Variants in PRTG observed in about 807,000 individuals in gnomAD.
PRTG encodes the protein immunoglobulin superfamily, DCC subclass, member 5.
A neutral mutation model predicts 122.5 loss-of-function variants in PRTG; 67 were observed. That is an observed-to-expected ratio of 0.55 (90% CI 0.45 to 0.67). The LOEUF is 0.67. PRTG is among the 30% of genes least tolerant of loss of function. The pLI is 0.00. For synonymous variants in PRTG, 554 were observed against 501.1 expected (o/e 1.11, Z -1.41); for missense variants, 1,435 against 1,415.4 (o/e 1.01, Z -0.22).
At chr15:55,627,308 T>C (rs2059200307) in intron 16 of PRTG, among the ~76,000 whole-genome samples, 180 bp from the exon 17 acceptor site, 1 of 151,526 alleles carries the variant, frequency 6.6e-6, no homozygotes, top group African/African-American at 2.4e-5. Context: ...AGAGACAGAT[T>C]TCTCTTCCAA....
At chr15:55,712,098 C>T (rs1427489147) in intron 2 of PRTG, among the ~76,000 whole-genome samples, 2 of 152,172 alleles carry the variant, frequency 1.3e-5, no homozygotes, top group Admixed American at 6.5e-5. Context: ...ATGAAGGCAT[C>T]CCCAGGCCTC....
intron 1 of PRTG, 76 bp downstream of exon 1, chr15:55,742,761 GT>G: frequency 6.6e-7 from 1 of 1,515,282 alleles, no homozygotes; most frequent in East Asian, 2.6e-5. Flanking sequence ...ACGCCCCATC[GT>G]TTCCTCTTTC....
At chr15:55,713,875 T>C (rs1397403504) in intron 2 of PRTG, among the ~76,000 whole-genome samples, 4 of 152,196 alleles carry the variant, frequency 2.6e-5, no homozygotes, top group Admixed American at 1.3e-4. Flanking sequence ...GTTTACACTG[T>C]CTTTCTGAAA....
intron 18 of PRTG, among the ~76,000 whole-genome samples, chr15:55,623,650 T>C (rs760295679): frequency 6.6e-6 from 1 of 152,236 alleles, no homozygotes; most frequent in Non-Finnish European, 1.5e-5. Context: ...GACTGTTTGC[T>C]GACAACTGAT....
chr15:55,719,818 G>A (rs1046644046), intron 2 of PRTG, among the ~76,000 whole-genome samples: 5 of 152,052 alleles, frequency 3.3e-5, no homozygotes, highest in Non-Finnish European at 5.9e-5. Context: ...CAGCACTTTC[G>A]GAGGTCGAGG....
chr15:55,628,113 T>TCTAACA, intron 16 of PRTG, among the ~76,000 whole-genome samples: 1 of 152,240 alleles, frequency 6.6e-6, no homozygotes, highest in African/African-American at 2.4e-5. Flanking sequence ...TCATTCTCTT[T>TCTAACA]CTAACACACA....
In PRTG at chr15:55,639,804, G is replaced by A; in HGVS notation, c.2162C>T (p.Pro721Leu). The change falls in exon 13 of 20, where the codon CCT becomes CTT. Residue 721 changes from proline to leucine, a missense_variant. By Grantham distance (98) the Pro-to-Leu change is moderately conservative. Transcript: ENST00000389286. ...CVSVRDRMVP[P>L]PPPPHHLYAK... ...ATAGAGATGGTGGGGTGGTGGTGGA[G>A]GAGGGACCATGCGATCACGAACAGC... 1 of 1,614,110 alleles carries A rather than the reference G, an allele frequency of 6.2e-7. No individual in the cohort carries two copies. Among genetic ancestry groups the A allele is most frequent in the Non-Finnish European group, 8.5e-7 (1 of 1,179,992 alleles).
intron 9 of PRTG, among the ~76,000 whole-genome samples, chr15:55,675,192 A>G (rs1055371785): frequency 6.6e-6 from 1 of 152,114 alleles, no homozygotes; most frequent in African/African-American, 2.4e-5. Flanking sequence ...CATACACTCA[A>G]TATGTAACAG....
At chr15:55,675,487 T>G in intron 9 of PRTG, 32 bp downstream of exon 9, 1 of 1,474,592 alleles carries the variant, frequency 6.8e-7, no homozygotes, top group Non-Finnish European at 9.3e-7. Flanking sequence ...CGAATGTTCA[T>G]ACTGAAATGA....
intron 11 of PRTG, among the ~76,000 whole-genome samples, chr15:55,662,650 G>C (rs756214339): frequency 1.3e-5 from 2 of 152,122 alleles, no homozygotes; most frequent in Non-Finnish European, 2.9e-5. Context: ...GAAAGTCTTT[G>C]AAGATTTTTT....
Position 55,673,491 on chromosome 15 carries a change from A to C in PRTG, c.1732T>G (p.Leu578Val). 1 of 1,614,170 alleles carries C rather than the reference A, an allele frequency of 6.2e-7. No individual in the cohort carries two copies. The highest frequency in any genetic ancestry group is 8.5e-7 in the Non-Finnish European group (1 of 1,180,032). The change falls in exon 10 of 20, where the codon TTG becomes GTG. Residue 578 changes from leucine (L) to valine (V), a missense_variant. Physicochemically the swap from Leu to Val is conservative, Grantham distance 32 (BLOSUM62 1). Coordinates refer to ENST00000389286, the MANE Select transcript of PRTG (RefSeq NM_173814.6). The part of the protein sequence containing the change: ...ELPGTTHEYL[L>V]EGLKPDSVYL... ...ACACTGTCAGGTTTCAGGCCTTCCA[A>C]AAGGTACTCATGCGTGGTCCCCGGG...
intron 15 of PRTG, among the ~76,000 whole-genome samples, chr15:55,631,759 T>C (rs1236889021): frequency 6.6e-6 from 1 of 152,188 alleles, no homozygotes; most frequent in African/African-American, 2.4e-5. Flanking sequence ...TTGGGGCACG[T>C]TACTGAACTG....
intron 2 of PRTG, chr15:55,738,719 A>G: frequency 3.1e-6 from 1 of 324,254 alleles, no homozygotes; most frequent in Non-Finnish European, 5.6e-6. Flanking sequence ...ATTACGGGGG[A>G]AGGAGGGAAG....
Position 55,742,713 on chromosome 15 carries a change from G to A in PRTG, c.94+125C>T, listed in dbSNP as rs539593899. On this transcript the variant is annotated intron_variant, in intron 1 of 19. Coordinates refer to ENST00000389286, the MANE Select transcript of PRTG (RefSeq NM_173814.6). Reference sequence around the variant, plus strand: ...CGCAGGGCGAGAGCGGGGGCCGGGGGTCAGCGCCACCACGGAGGACCCCGC... The same window carrying A: ...CGCAGGGCGAGAGCGGGGGCCGGGGATCAGCGCCACCACGGAGGACCCCGC... 1.2e-5 allele frequency: 14 copies of A among 1,183,198 alleles called. No homozygotes were observed. In the East Asian group the frequency reaches 3.4e-4, roughly 28 times the overall value. 73.3% of individuals were successfully genotyped at this position (1,183,198 alleles called of 1,614,324 possible).
chr15:55,694,990 G>C (rs1468701696), intron 2 of PRTG, among the ~76,000 whole-genome samples: 2 of 152,140 alleles, frequency 1.3e-5, no homozygotes, highest in South Asian at 2.1e-4. Flanking sequence ...AAATAGGCAA[G>C]AAACAAGGTC....
At chr15:55,712,207 C>A (rs1178719350) in intron 2 of PRTG, among the ~76,000 whole-genome samples, 3 of 152,176 alleles carry the variant, frequency 2.0e-5, no homozygotes, top group Non-Finnish European at 4.4e-5. Flanking sequence ...AAGTCTTTGA[C>A]ATAAGAATGT....
intron 9 of PRTG, among the ~76,000 whole-genome samples, chr15:55,674,161 T>C (rs965424594): frequency 4.6e-5 from 7 of 152,220 alleles, no homozygotes; most frequent in African/African-American, 1.7e-4. Context: ...AAAACAGTTT[T>C]TCCTCCAAAC....
chr15:55,732,745 T>C (rs544992967), intron 2 of PRTG, among the ~76,000 whole-genome samples: 1 of 152,102 alleles, frequency 6.6e-6, no homozygotes, highest in Admixed American at 6.5e-5. Context: ...CCGCCGGCCC[T>C]GGCCTCTCAA....
At chr15:55,620,953 T>C (rs954866741) in intron 18 of PRTG, among the ~76,000 whole-genome samples, 186 bp from the exon 19 acceptor site, 11 of 152,214 alleles carry the variant, frequency 7.2e-5, no homozygotes, top group Admixed American at 5.2e-4. Context: ...TGTGTGGTAG[T>C]GGGGACTGGG....
Sources: allele counts gnomAD v4.1 joint callset (sites outside exome capture counted in the v4.1 genomes callset), GRCh38; gene constraint gnomAD v4.1.1; transcripts MANE v1.5; gene names NCBI Gene and HGNC (gene_info 2026-07-23, HGNC 2026-07-21).